Variants in ABTB2 observed in about 807,000 individuals in gnomAD.
ABTB2 encodes the protein ankyrin repeat and BTB domain containing 2, also known as ankyrin repeat and BTB/POZ domain-containing protein 2.
ABTB2 carries 56 observed loss-of-function variants against 104.1 expected under a neutral mutation model. That is an observed-to-expected ratio of 0.54 (90% CI 0.43 to 0.67). The LOEUF (loss-of-function observed/expected upper bound fraction) is 0.67. Ranked by LOEUF, ABTB2 falls within the 30% of genes least tolerant of loss-of-function variation. The pLI, the probability that ABTB2 is intolerant of heterozygous loss-of-function variation, is 0.00. For synonymous variants in ABTB2, 606 were observed against 608.2 expected (o/e 1.00, Z 0.05); for missense variants, 1,279 against 1,407.7 (o/e 0.91, Z 1.46).
intron 1 of ABTB2, among the ~76,000 whole-genome samples, chr11:34,305,485 T>C (rs1164587184): frequency 1.3e-5 from 2 of 152,166 alleles, no homozygotes; most frequent in Non-Finnish European, 2.9e-5. Flanking sequence ...AACGGGGCGA[T>C]TATTGAGGTT....
intron 1 of ABTB2, among the ~76,000 whole-genome samples, chr11:34,351,774 A>G (rs945226077): frequency 6.6e-6 from 1 of 152,236 alleles, no homozygotes; most frequent in Admixed American, 6.5e-5. Context: ...CAAGCAGGAA[A>G]TGATTTAAGA....
chr11:34,270,361 A>G (rs1361452750), intron 1 of ABTB2, among the ~76,000 whole-genome samples: 3 of 137,628 alleles, frequency 2.2e-5, no homozygotes, highest in Non-Finnish European at 4.6e-5. Flanking sequence ...TTTTTTTGAG[A>G]TGGAGTCTCA....
intron 3 of ABTB2, among the ~76,000 whole-genome samples, chr11:34,194,722 C>A (rs1021071697): frequency 1.3e-5 from 2 of 151,982 alleles, no homozygotes; most frequent in African/African-American, 2.4e-5. Context: ...GCTGTTGGCT[C>A]CCTCAGGTAT....
intron 1 of ABTB2, among the ~76,000 whole-genome samples, chr11:34,308,832 T>C (rs1404006054): frequency 3.1e-5 from 4 of 128,662 alleles, no homozygotes; most frequent in Admixed American, 1.9e-4. Context: ...GATCATGCCA[T>C]TGCACTCCAG....
chr11:34,314,143 G>T (rs998759896), intron 1 of ABTB2, among the ~76,000 whole-genome samples: 1 of 152,214 alleles, frequency 6.6e-6, no homozygotes, highest in Non-Finnish European at 1.5e-5. Context: ...TCCCATGCAG[G>T]TGGCTTTAAT....
intron 1 of ABTB2, among the ~76,000 whole-genome samples, chr11:34,348,349 T>C (rs1221150372): frequency 1.3e-5 from 2 of 152,204 alleles, no homozygotes. Flanking sequence ...CTTCTTAACA[T>C]CTGGATAAAA....
intron 3 of ABTB2, among the ~76,000 whole-genome samples, chr11:34,175,254 C>T (rs903132209): frequency 6.6e-6 from 1 of 152,222 alleles, no homozygotes; most frequent in African/African-American, 2.4e-5. Context: ...AATATAAATG[C>T]TCCTTGACTT....
chr11:34,298,565 C>T (rs1032054794), intron 1 of ABTB2, among the ~76,000 whole-genome samples: 18 of 152,052 alleles, frequency 1.2e-4, no homozygotes, highest in Non-Finnish European at 7.4e-5. Flanking sequence ...TGGGTTCAAA[C>T]GATTCTTGTG....
chr11:34,247,822 TAAAC>T (rs1854003954), intron 1 of ABTB2, among the ~76,000 whole-genome samples: 1 of 152,194 alleles, frequency 6.6e-6, no homozygotes, highest in African/African-American at 2.4e-5. Flanking sequence ...AGAAAACATT[TAAAC>T]AACTCTATGA....
intron 3 of ABTB2, among the ~76,000 whole-genome samples, chr11:34,191,040 T>A (rs1056327056): frequency 2.6e-5 from 4 of 152,204 alleles, no homozygotes; most frequent in Admixed American, 6.5e-5. Context: ...GTCATACTCC[T>A]AGAAGGTAGA....
chr11:34,161,653 A>C (rs759470448), intron 10 of ABTB2, among the ~76,000 whole-genome samples: 1 of 152,110 alleles, frequency 6.6e-6, no homozygotes, highest in African/African-American at 2.4e-5. Flanking sequence ...CCAGGCACAT[A>C]ATGACTGTTT....
intron 3 of ABTB2, among the ~76,000 whole-genome samples, chr11:34,175,808 C>T (rs1164474123): frequency 6.6e-6 from 1 of 152,238 alleles, no homozygotes; most frequent in Admixed American, 6.5e-5. Context: ...TGACTCACCC[C>T]TGTTACCAGG....
At position 34,197,338 on chromosome 11, in the gene ABTB2, A is replaced by C. The variant is rs746482951; in HGVS notation, c.1231T>G (p.Leu411Val). The change falls in exon 3 of 17, where the codon TTG (leucine) becomes GTG (valine). Residue 411 changes from leucine (L) to valine (V), a missense_variant. Coordinates refer to ENST00000435224, the MANE Select transcript of ABTB2 (RefSeq NM_145804.3). Reference protein sequence around the residue: ...NPNLDPPRMTLNNERPFMLLP... With the variant: ...NPNLDPPRMTVNNERPFMLLP... ...GAAGATCCCTACCGTTCATTGTTCA[A>C]GGTCATTCTCGGGGGGTCCAGGTTG... The C allele has an allele frequency of 1.2e-6, 2 of 1,614,042 alleles. No homozygotes were observed. Among genetic ancestry groups the C allele is most frequent in the Non-Finnish European group, 1.7e-6 (2 of 1,179,980 alleles).
At chr11:34,319,917 C>G (rs561432608) in intron 1 of ABTB2, among the ~76,000 whole-genome samples, 1 of 152,278 alleles carries the variant, frequency 6.6e-6, no homozygotes, top group South Asian at 2.1e-4. Context: ...ATCCACCCAC[C>G]TCGGCCTCCC....
chr11:34,154,806 A>G lies in ABTB2; in HGVS notation c.2698-37T>C. On this transcript the variant is annotated intron_variant, in intron 14 of 16. Coordinates refer to ENST00000435224, the MANE Select transcript of ABTB2 (RefSeq NM_145804.3). The surrounding 1 kb of genome is among the most constrained non-coding windows in gnomAD (Gnocchi z 4.9). ...AGAGGCCCATGTGAATGCCACGTGA[A>G]CCTGAGGCATGAAAGTCCTTGCCAG... 6.2e-7 allele frequency: 1 copy of G among 1,606,526 alleles called. No homozygotes were observed. Among genetic ancestry groups the G allele is most frequent in the South Asian group, 1.1e-5 (1 of 90,724 alleles).
intron 1 of ABTB2, among the ~76,000 whole-genome samples, chr11:34,248,114 A>ATTTTTTTTTTTTTTTTTTT (rs1363625721): frequency 0.023 from 2,843 of 126,294 alleles, 236 homozygotes; most frequent in African/African-American, 0.069. Context: ...AAAAAAAAAA[A>ATTTTTTTTTTTTTTTTTTT]AAAAAAAACA....
At chr11:34,335,195 C>T (rs750705668) in intron 1 of ABTB2, 5 of 1,267,278 alleles carry the variant, frequency 3.9e-6, no homozygotes, top group Non-Finnish European at 4.6e-6. Context: ...CACGGGTACC[C>T]CAGAGACTAT....
chr11:34,320,880 G>A (rs1281859416), intron 1 of ABTB2, among the ~76,000 whole-genome samples: 2 of 152,028 alleles, frequency 1.3e-5, no homozygotes, highest in African/African-American at 2.4e-5. Context: ...TTTACTTTGC[G>A]CCATTTAAAG....
rs370111699 is a variant in ABTB2, at chr11:34,162,612, C to T, written c.2182G>A (p.Gly728Ser). Reference protein sequence around the residue: ...QEAMYYSAEHGYVDITMELRA... With the variant: ...QEAMYYSAEHSYVDITMELRA... ...AGCTCCATGGTGATGTCCACGTAGC[C>T]GTGCTCAGCGCTGTAGTACATGGCC... is the stretch of plus-strand genomic sequence containing the variant. Residue 728 changes from glycine (G) to serine (S), a missense_variant, in exon 10 of 17, where the codon GGC becomes AGC. Physicochemically the swap from Gly to Ser is moderately conservative, Grantham distance 56 (BLOSUM62 0). Coordinates refer to ENST00000435224, the MANE Select transcript of ABTB2 (RefSeq NM_145804.3). The T allele has an allele frequency of 2.2e-5, 35 of 1,613,562 alleles. No homozygotes were observed. The highest frequency in any genetic ancestry group is 1.2e-4 in the African/African-American group (9 of 74,942).
Sources: allele counts gnomAD v4.1 joint callset (sites outside exome capture counted in the v4.1 genomes callset), GRCh38; gene constraint gnomAD v4.1.1; non-coding constraint Gnocchi (gnomAD v3.1); transcripts MANE v1.5; gene names NCBI Gene and HGNC (gene_info 2026-07-23, HGNC 2026-07-21).